The following ANKRD12 variants were observed in gnomAD, a reference collection of about 807,000 sequenced individuals.
ANKRD12 encodes the protein ankyrin repeat domain 12, also known as ankyrin repeat domain-containing protein 12.
ANKRD12 carries 85 observed loss-of-function variants against 183.4 expected under a neutral mutation model. The observed-to-expected ratio is 0.46, with a 90% CI of 0.39 to 0.56. The LOEUF is 0.56. Among genes scored for constraint, ANKRD12 ranks in the 20% least tolerant of loss-of-function variants. The pLI is 0.00. For missense variants in ANKRD12, 2,405 were observed against 2,357.1 expected (o/e 1.02, Z -0.42); for synonymous variants, 914 against 800.2 (o/e 1.14, Z -2.40).
intron 2 of ANKRD12, among the ~76,000 whole-genome samples, chr18:9,192,297 C>T (rs924281495): frequency 6.6e-6 from 1 of 152,164 alleles, no homozygotes; most frequent in Admixed American, 6.5e-5. Context: ...ATTCTTGTCA[C>T]TTTGTTCTTG....
At chr18:9,215,638 A>T (rs1380301663) in intron 6 of ANKRD12, among the ~76,000 whole-genome samples, 1 of 152,140 alleles carries the variant, frequency 6.6e-6, no homozygotes, top group Non-Finnish European at 1.5e-5. Context: ...CTCCGATAGA[A>T]TGTCATGAAA....
intron 5 of ANKRD12, 58 bp downstream of exon 5, chr18:9,208,861 G>T: frequency 7.1e-7 from 1 of 1,399,380 alleles, no homozygotes; most frequent in South Asian, 1.8e-5. Flanking sequence ...GGCAACTGTA[G>T]TCTCGTCTTA....
chr18:9,186,128 A>C (rs1353379708), intron 2 of ANKRD12, among the ~76,000 whole-genome samples: 1 of 150,224 alleles, frequency 6.7e-6, no homozygotes, highest in East Asian at 1.9e-4. Flanking sequence ...TTGCCCTCCT[A>C]AAAGTGTGAT....
intron 7 of ANKRD12, among the ~76,000 whole-genome samples, 168 bp downstream of exon 7, chr18:9,217,068 A>G (rs1428343117): frequency 6.6e-6 from 1 of 152,210 alleles, no homozygotes; most frequent in Non-Finnish European, 1.5e-5. Context: ...ATTAGTTCAT[A>G]GTCAGATTTA....
At position 9,157,294 on chromosome 18, in the gene ANKRD12, G is replaced by A. The variant is rs146909097; in HGVS notation, c.-52+20329G>A. Among the ~76,000 whole-genome samples, 963 of 152,160 alleles carry A rather than the reference G, an allele frequency of 6.3e-3. 7 individuals are homozygous for A. The highest frequency in any genetic ancestry group is 0.014 in the Middle Eastern group (4 of 292). ...CATGAAGCCTATTTTATAATAAAGT[G>A]TTGATCATCTCGTGGTTGTTTACCC... On this transcript the variant is annotated intron_variant, in intron 1 of 12. Coordinates refer to ENST00000262126, the MANE Select transcript of ANKRD12 (RefSeq NM_015208.5).
chr18:9,263,694 GTTTT>G (rs751643555), intron 9 of ANKRD12, 92 bp from the exon 10 acceptor site: 80 of 837,166 alleles, frequency 9.6e-5, no homozygotes, highest in Non-Finnish European at 9.4e-5. Flanking sequence ...ATCAGAATTT[GTTTT>G]TTTATGCACT....
chr18:9,157,230 C>T (rs2030615522), intron 1 of ANKRD12, among the ~76,000 whole-genome samples: 1 of 151,862 alleles, frequency 6.6e-6, no homozygotes, highest in South Asian at 2.1e-4. Context: ...TGTAAATGTA[C>T]TCAGCATACT....
chr18:9,170,216 T>A (rs931024352), intron 1 of ANKRD12, among the ~76,000 whole-genome samples: 3 of 152,168 alleles, frequency 2.0e-5, no homozygotes, highest in African/African-American at 7.2e-5. Context: ...TCGAGGAGTA[T>A]CTTTGTGGCA....
intron 2 of ANKRD12, among the ~76,000 whole-genome samples, chr18:9,192,949 A>G (rs570519502): frequency 6.6e-6 from 1 of 151,836 alleles, no homozygotes; most frequent in African/African-American, 2.4e-5. Context: ...CTCCCAGAGC[A>G]TTGGGATTAC....
chr18:9,222,820 A>C (rs1055320657), intron 8 of ANKRD12, among the ~76,000 whole-genome samples: 1 of 152,166 alleles, frequency 6.6e-6, no homozygotes, highest in Non-Finnish European at 1.5e-5. Context: ...ATGGAAAGGC[A>C]ATTGAAAGAA....
At chr18:9,207,829 A>G (rs574882763) in intron 4 of ANKRD12, among the ~76,000 whole-genome samples, 34 of 152,164 alleles carry the variant, frequency 2.2e-4, no homozygotes, top group Non-Finnish European at 4.7e-4. Flanking sequence ...ATTTGGTTGC[A>G]CAGAGCACCT....
chr18:9,260,943 C>T (rs1287360838), intron 9 of ANKRD12, among the ~76,000 whole-genome samples: 1 of 152,142 alleles, frequency 6.6e-6, no homozygotes, highest in African/African-American at 2.4e-5. Context: ...ACCCAATGAC[C>T]TGCTTCTCTT....
chr18:9,199,876 C>G (rs947620376), intron 3 of ANKRD12, among the ~76,000 whole-genome samples: 4 of 152,130 alleles, frequency 2.6e-5, no homozygotes, highest in African/African-American at 7.2e-5. Context: ...GGGAATGATG[C>G]TTGCCAGAGG....
At chr18:9,201,998 T>A (rs193113303) in intron 3 of ANKRD12, among the ~76,000 whole-genome samples, 62 of 152,266 alleles carry the variant, frequency 4.1e-4, no homozygotes, top group African/African-American at 1.4e-3. Flanking sequence ...CAGCTAATTT[T>A]TGTATTTTTA....
At chr18:9,237,713 TTG>T (rs1361692266) in intron 8 of ANKRD12, among the ~76,000 whole-genome samples, 1 of 152,176 alleles carries the variant, frequency 6.6e-6, no homozygotes, top group Non-Finnish European at 1.5e-5. Flanking sequence ...ACGTACATGT[TTG>T]TGTAAAATTT....
chr18:9,202,857 A>G (rs4797361), intron 3 of ANKRD12, among the ~76,000 whole-genome samples: 102,782 of 152,096 alleles, frequency 0.68, 35,393 homozygotes, highest in Middle Eastern at 0.82. Context: ...CAATAGAAAC[A>G]TACCTGTTTG....
chr18:9,150,817 C>G (rs1450941682), intron 1 of ANKRD12, among the ~76,000 whole-genome samples: 1 of 152,048 alleles, frequency 6.6e-6, no homozygotes, highest in African/African-American at 2.4e-5. Flanking sequence ...CCACACCTGG[C>G]TAATTTTTTG....
At chr18:9,188,350 G>A (rs142640362) in intron 2 of ANKRD12, among the ~76,000 whole-genome samples, 91 of 152,306 alleles carry the variant, frequency 6.0e-4, no homozygotes, top group African/African-American at 2.1e-3. Context: ...AAACAGGTAT[G>A]TCCTTAGCTT....
At chr18:9,278,125 A>G (rs1248656702) in intron 11 of ANKRD12, among the ~76,000 whole-genome samples, 1 of 152,218 alleles carries the variant, frequency 6.6e-6, no homozygotes, top group Non-Finnish European at 1.5e-5. Context: ...TGTGAGGTGT[A>G]TTCTCTTGAC....
Sources: gnomAD v4.1 joint callset for allele counts (sites outside exome capture counted in the v4.1 genomes callset) on GRCh38, gnomAD v4.1.1 for gene constraint, MANE v1.5 for transcripts, NCBI Gene and HGNC (gene_info 2026-07-23, HGNC 2026-07-21) for gene names.